NRXN3: variants seen among roughly 807,000 people sequenced by gnomAD.
The protein encoded by NRXN3 is neurexin III.
NRXN3 carries 32 observed loss-of-function variants against 137.6 expected under a neutral mutation model. The ratio of observed to expected loss-of-function variants is 0.23; its 90% confidence interval spans 0.18 to 0.31. NRXN3 has a LOEUF of 0.31. Among genes scored for constraint, NRXN3 ranks in the 10% least tolerant of loss-of-function variants. NRXN3 has a pLI of 1.00. For missense variants in NRXN3, 1,574 were observed against 2,062.5 expected (o/e 0.76, Z 4.59); for synonymous variants, 798 against 784.5 (o/e 1.02, Z -0.29).
intron 14 of NRXN3, among the ~76,000 whole-genome samples, chr14:78,971,082 A>C (rs1324446134): frequency 6.6e-6 from 1 of 152,202 alleles, no homozygotes; most frequent in Non-Finnish European, 1.5e-5. Flanking sequence ...TGTCATTGGA[A>C]GTTTGTACCA....
chr14:78,523,643 CAAAAAAAA>C (rs3036598), intron 4 of NRXN3, among the ~76,000 whole-genome samples: 18 of 77,716 alleles, frequency 2.3e-4, no homozygotes, highest in Admixed American at 4.6e-4. Flanking sequence ...ACTACAAATA[CAAAAAAAA>C]AAAAAAAAAA....
At chr14:79,457,313 T>G (rs1395784987) in intron 15 of NRXN3, among the ~76,000 whole-genome samples, 3 of 152,180 alleles carry the variant, frequency 2.0e-5, no homozygotes, top group African/African-American at 7.2e-5. Context: ...TTGAGGCAGA[T>G]TCTTCACTTC....
intron 20 of NRXN3, among the ~76,000 whole-genome samples, chr14:79,840,196 G>A (rs1015865033): frequency 2.6e-5 from 4 of 152,026 alleles, no homozygotes; most frequent in Non-Finnish European, 5.9e-5. Context: ...ATAACTCTGA[G>A]GTAAAAAGAG....
rs148862385 is a variant in NRXN3 at position 79,198,992 on chromosome 14, C to G, written c.3262+210851C>G. 3.3e-3 allele frequency among the ~76,000 whole-genome samples: 503 copies of G among 152,260 alleles called. 2 individuals carry two copies. Among genetic ancestry groups the G allele is most frequent in the African/African-American group, 0.011 (470 of 41,562 alleles). Reference sequence around the variant, plus strand: ...CCATCCTGGCTAACATGGTGAAACCCTCTCTCTACTAAAAATACAAAAAAA... The same window carrying G: ...CCATCCTGGCTAACATGGTGAAACCGTCTCTCTACTAAAAATACAAAAAAA... On this transcript the variant is annotated intron_variant, in intron 15 of 20. Transcript: ENST00000335750.
intron 4 of NRXN3, among the ~76,000 whole-genome samples, chr14:78,385,569 G>A (rs1226934971): frequency 1.3e-5 from 2 of 152,076 alleles, no homozygotes; most frequent in Non-Finnish European, 2.9e-5. Context: ...TGATGAATGT[G>A]CCTTATTTCT....
At chr14:78,251,588 A>C (rs2068638292) in intron 2 of NRXN3, among the ~76,000 whole-genome samples, 1 of 152,168 alleles carries the variant, frequency 6.6e-6, no homozygotes, top group African/African-American at 2.4e-5. Flanking sequence ...GTGACCATTC[A>C]TCACAGACAC....
intron 10 of NRXN3, among the ~76,000 whole-genome samples, chr14:78,938,797 C>G (rs1031329449): frequency 2.3e-4 from 35 of 151,270 alleles, no homozygotes; most frequent in African/African-American, 8.0e-4. Flanking sequence ...TGCTTCCAGA[C>G]CCACTCCCCA....
rs1307975829 is a variant in NRXN3 at position 78,645,262 on chromosome 14, C to A, written c.900C>A (p.Gly300=). 6.3e-6 allele frequency: 10 copies of A among 1,598,752 alleles called. No homozygotes were observed. The highest frequency in any genetic ancestry group is 8.5e-6 in the Non-Finnish European group (10 of 1,179,820). Residue 300 remains glycine (G), a synonymous_variant, in exon 5 of 21, where the codon GGC becomes GGA. Transcript: ENST00000335750. ...WQRNGLILHT[G]KSADYVNLAL... ...GTAACGGCCTCATCCTGCACACGGG[C>A]AAGTCGGCTGACTATGTCAACCTGG...
chr14:79,308,925 A>ATTTT (rs2086665473), intron 15 of NRXN3, among the ~76,000 whole-genome samples: 3 of 97,610 alleles, frequency 3.1e-5, no homozygotes, highest in South Asian at 6.1e-4. Flanking sequence ...TTATTTATTT[A>ATTTT]TTTTTTAATT....
At chr14:79,529,231 G>A (rs377058601) in intron 16 of NRXN3, among the ~76,000 whole-genome samples, 3 of 152,210 alleles carry the variant, frequency 2.0e-5, no homozygotes, top group South Asian at 2.1e-4. Flanking sequence ...GCAAGCAGGC[G>A]GTACGTGACA....
chr14:79,373,750 G>A (rs61993074), intron 15 of NRXN3, among the ~76,000 whole-genome samples: 5,810 of 152,194 alleles, frequency 0.038, 185 homozygotes, highest in Middle Eastern at 0.11. Context: ...GGATATACTC[G>A]AAAAGCAGTA....
intron 4 of NRXN3, among the ~76,000 whole-genome samples, chr14:78,558,641 C>T (rs754679171): frequency 5.3e-5 from 8 of 152,130 alleles, no homozygotes; most frequent in Non-Finnish European, 1.2e-4. Context: ...TGATTAATCT[C>T]ATATAATGCC....
chr14:78,385,874 G>A (rs2089899561), intron 4 of NRXN3, among the ~76,000 whole-genome samples: 1 of 152,128 alleles, frequency 6.6e-6, no homozygotes, highest in African/African-American at 2.4e-5. Flanking sequence ...AGATCCAAAT[G>A]TCAAGACTGA....
At chr14:78,631,572 C>G (rs895847643) in intron 4 of NRXN3, among the ~76,000 whole-genome samples, 1 of 152,198 alleles carries the variant, frequency 6.6e-6, no homozygotes, top group Non-Finnish European at 1.5e-5. Flanking sequence ...AATGTCTTTA[C>G]AAGTTACAAA....
chr14:78,220,837 G>GCTACT (rs1566997762), intron 1 of NRXN3, among the ~76,000 whole-genome samples: 2 of 152,066 alleles, frequency 1.3e-5, no homozygotes, highest in African/African-American at 4.8e-5. Flanking sequence ...TAGCCAGAGG[G>GCTACT]GAGAGAAGCA....
intron 16 of NRXN3, among the ~76,000 whole-genome samples, chr14:79,616,092 A>G (rs11844619): frequency 0.031 from 4,673 of 152,222 alleles, 240 homozygotes; most frequent in African/African-American, 0.1. Flanking sequence ...GAGTTAATCA[A>G]TTGACAACGG....
chr14:78,325,524 G>A (rs1295904759), intron 4 of NRXN3, among the ~76,000 whole-genome samples: 1 of 152,122 alleles, frequency 6.6e-6, no homozygotes, highest in Non-Finnish European at 1.5e-5. Flanking sequence ...TATGGTAAGT[G>A]CTTGATAGAT....
At chr14:78,428,204 A>G (rs1242391784) in intron 4 of NRXN3, among the ~76,000 whole-genome samples, 1 of 152,248 alleles carries the variant, frequency 6.6e-6, no homozygotes. Context: ...TGCAAATAAA[A>G]GAATCAAGAA....
intron 4 of NRXN3, among the ~76,000 whole-genome samples, chr14:78,488,503 A>G (rs1044591179): frequency 1.1e-4 from 17 of 152,184 alleles, no homozygotes; most frequent in Non-Finnish European, 2.4e-4. Flanking sequence ...TTAAAAATCA[A>G]AAAGGTGAGC....
Sources: allele counts gnomAD v4.1 joint callset (sites outside exome capture counted in the v4.1 genomes callset), GRCh38; gene constraint gnomAD v4.1.1; transcripts MANE v1.5; gene names NCBI Gene and HGNC (gene_info 2026-07-23, HGNC 2026-07-21).